PWWP2A: variants seen among roughly 807,000 people sequenced by gnomAD.
The protein encoded by PWWP2A is PWWP domain containing 2A.
A neutral mutation model predicts 48.5 loss-of-function variants in PWWP2A; 18 were observed. The ratio of observed to expected loss-of-function variants is 0.37; its 90% CI spans 0.26 to 0.55. The LOEUF (loss-of-function observed/expected upper bound fraction) is 0.55. Among genes scored for constraint, PWWP2A ranks in the 20% least tolerant of loss-of-function variants. PWWP2A has a pLI of 0.81. For missense variants in PWWP2A, 867 were observed against 976.4 expected (o/e 0.89, Z 1.49); for synonymous variants, 396 against 387.7 (o/e 1.02, Z -0.25).
At chr5:160,087,642 T>A (rs1754743169), downstream of PWWP2A, among the ~76,000 whole-genome samples, 1 of 152,238 alleles carries the variant, frequency 6.6e-6, no homozygotes, top group Non-Finnish European at 1.5e-5. Context: ...TGAACAACAC[T>A]GTGAATGTAT....
chr5:160,114,629 G>T (rs1007820041), intron 1 of PWWP2A, among the ~76,000 whole-genome samples: 5 of 151,868 alleles, frequency 3.3e-5, no homozygotes, highest in Non-Finnish European at 7.4e-5. Flanking sequence ...CCAGCGTGGT[G>T]GAGCATGCCT....
intron 1 of PWWP2A, among the ~76,000 whole-genome samples, chr5:160,111,501 G>A (rs1757571318): frequency 6.6e-6 from 1 of 151,902 alleles, no homozygotes; most frequent in African/African-American, 2.4e-5. Context: ...AGGCACAGCG[G>A]CATGAGATTC....
Position 160,092,235 on chromosome 5 carries a change from T to C in PWWP2A, c.*147A>G. 1 of 1,385,592 alleles carries C rather than the reference T, an allele frequency of 7.2e-7. No individual in the cohort carries two copies. The highest frequency in any genetic ancestry group is 9.3e-7 in the Non-Finnish European group (1 of 1,071,048). 85.8% of individuals were successfully genotyped at this position (1,385,592 alleles called of 1,614,324 possible). A position where few individuals can be genotyped will look rare whatever the true frequency, so the allele number is the denominator to read the frequency against. On this transcript the variant is annotated 3_prime_UTR_variant, in exon 2 of 2. Transcript: ENST00000307063. ...TCAGTTTAAGCTCTCAGTCTAAAAATGGCTATAAGGTAAGTATTAAAAAGC... is the reference window on the plus strand; with the variant it reads ...TCAGTTTAAGCTCTCAGTCTAAAAACGGCTATAAGGTAAGTATTAAAAAGC...
intron 4 of PWWP2A, among the ~76,000 whole-genome samples, chr5:160,064,501 C>T (rs145702683): frequency 1.3e-5 from 2 of 152,218 alleles, no homozygotes; most frequent in African/African-American, 4.8e-5. Context: ...TGGCTGCTGC[C>T]GTTCTAGAGA....
intron 1 of PWWP2A, among the ~76,000 whole-genome samples, chr5:160,098,688 A>C (rs1755939428): frequency 6.6e-6 from 1 of 152,224 alleles, no homozygotes; most frequent in South Asian, 2.1e-4. Context: ...ATGTTTGAGA[A>C]CCACTAACCT....
At chr5:160,098,435 C>CTA (rs57438029) in intron 1 of PWWP2A, among the ~76,000 whole-genome samples, 1,942 of 152,306 alleles carry the variant, frequency 0.013, 45 homozygotes, top group African/African-American at 0.044. Context: ...GATCACATGT[C>CTA]TGTCTTTGCT....
the PWWP2A span, among the ~76,000 whole-genome samples, chr5:160,052,548 C>CAAAAAAAAAA: frequency 1.5e-5 from 1 of 68,068 alleles, no homozygotes; most frequent in Non-Finnish European, 2.6e-5. Flanking sequence ...TCTATTTTAG[C>CAAAAAAAAAA]AAAAAAAAAA....
chr5:160,118,744 C>T (rs1009878389), intron 1 of PWWP2A, 61 bp downstream of exon 1: 5 of 1,345,814 alleles, frequency 3.7e-6, no homozygotes, highest in Non-Finnish European at 4.8e-6. Flanking sequence ...GGGGGCCGCC[C>T]GGGCTCACTC....
At chr5:160,086,758 AG>A (rs1444830020), downstream of PWWP2A, among the ~76,000 whole-genome samples, 1 of 152,186 alleles carries the variant, frequency 6.6e-6, no homozygotes, top group East Asian at 1.9e-4. Context: ...CTGGGACTAT[AG>A]GCATGAACCA....
chr5:160,093,140 G>A lies in PWWP2A; in HGVS notation c.1510C>T (p.Pro504Ser), dbSNP rs754937756. The A allele has an allele frequency of 6.2e-7, 1 of 1,613,916 alleles. No homozygotes were observed. Among genetic ancestry groups the A allele is most frequent in the Admixed American group, 1.7e-5 (1 of 60,002 alleles). The change falls in exon 2 of 2, where the codon CCC (proline) becomes TCC (serine). Residue 504 changes from proline to serine, a missense_variant. Pro to Ser is a moderately conservative substitution (Grantham distance 74, BLOSUM62 -1). Coordinates refer to ENST00000307063, the MANE Select transcript of PWWP2A (RefSeq NM_001130864.2). The surrounding 1 kb of genome is among the most constrained non-coding windows in gnomAD (Gnocchi z 5.8). ...LEKMRSGKMAPKPQSRCTSTR... is the reference protein window; with the variant it reads ...LEKMRSGKMASKPQSRCTSTR... ...GAGGTGCAGCGAGACTGGGGCTTGGGTGCCATCTTGCCACTCCGCATTTTC... is the reference window on the plus strand; with the variant it reads ...GAGGTGCAGCGAGACTGGGGCTTGGATGCCATCTTGCCACTCCGCATTTTC...
In PWWP2A at chr5:160,092,800, G is replaced by C; in HGVS notation, c.1850C>G (p.Ser617Cys). ...TTCCTTTGAAGAGGAGGAAGTGGAG[G>C]AGGTGGAAGGTGCATGCATACTGCC... ...PPGSMHAPSTSSTSSSSKEEK... is the reference protein window; with the variant it reads ...PPGSMHAPSTCSTSSSSKEEK... The change falls in exon 2 of 2, where the codon TCC becomes TGC. Residue 617 changes from serine to cysteine, a missense_variant. Ser to Cys is a moderately radical substitution (Grantham distance 112). Around this residue, in one of 4 missense-constraint regions of PWWP2A, gnomAD observed 382 missense variants for 407.2 expected, o/e 0.94. Transcript: ENST00000307063. 3 of 1,551,698 alleles carry C rather than the reference G, an allele frequency of 1.9e-6. No individual in the cohort carries two copies. The highest frequency in any genetic ancestry group is 2.6e-6 in the Non-Finnish European group (3 of 1,146,970).
At chr5:160,052,121 C>G in the PWWP2A span, among the ~76,000 whole-genome samples, 1 of 152,150 alleles carries the variant, frequency 6.6e-6, no homozygotes, top group Non-Finnish European at 1.5e-5. Flanking sequence ...ACTGTAAAGA[C>G]GGCTGCTTCC....
intron 4 of PWWP2A, chr5:160,063,784 C>A (rs924841217): frequency 1.3e-5 from 2 of 152,038 alleles, no homozygotes; most frequent in Non-Finnish European, 2.9e-5. Flanking sequence ...TATCTTAAAA[C>A]AGCATAAGAA....
intron 3 of PWWP2A, among the ~76,000 whole-genome samples, chr5:160,080,428 A>G (rs542547058): frequency 6.6e-6 from 1 of 152,352 alleles, no homozygotes; most frequent in South Asian, 2.1e-4. Flanking sequence ...AGAAGCTCAC[A>G]GGAGACTCCT....
At chr5:160,103,771 T>C (rs905192760) in intron 1 of PWWP2A, among the ~76,000 whole-genome samples, 4 of 152,140 alleles carry the variant, frequency 2.6e-5, no homozygotes, top group African/African-American at 9.7e-5. Flanking sequence ...TGAGTGTGCC[T>C]GAGTGGAGAG....
At chr5:160,102,721 T>C (rs1756448990) in intron 1 of PWWP2A, among the ~76,000 whole-genome samples, 1 of 152,168 alleles carries the variant, frequency 6.6e-6, no homozygotes, top group Admixed American at 6.5e-5. Context: ...AAGTACACAT[T>C]GCCAATGAGG....
intron 3 of PWWP2A, among the ~76,000 whole-genome samples, chr5:160,080,458 A>G (rs1754148861): frequency 6.6e-6 from 1 of 152,208 alleles, no homozygotes; most frequent in South Asian, 2.1e-4. Context: ...CATGGCAGGT[A>G]GTATCAATGG....
At chr5:160,090,072 C>T (rs1415766767), downstream of PWWP2A, 4 of 985,198 alleles carry the variant, frequency 4.1e-6, no homozygotes, top group Admixed American at 6.2e-5. Context: ...CAGTTTAAAA[C>T]GAAGGGGTCA....
chr5:160,085,820 CT>C (rs200535434), intron 2 of PWWP2A, among the ~76,000 whole-genome samples: 69 of 118,888 alleles, frequency 5.8e-4, no homozygotes, highest in Admixed American at 7.6e-4. Flanking sequence ...ATGTCATATT[CT>C]TTTTTTTTTT....
Sources: allele counts gnomAD v4.1 joint callset (sites outside exome capture counted in the v4.1 genomes callset), GRCh38; gene constraint gnomAD v4.1.1; regional missense constraint gnomAD v4.1.1; non-coding constraint Gnocchi (gnomAD v3.1); transcripts MANE v1.5; gene names NCBI Gene and HGNC (gene_info 2026-07-23, HGNC 2026-07-21).